The following CLSTN2 variants were observed in gnomAD, a reference collection of about 807,000 sequenced individuals.
CLSTN2 encodes the protein calsyntenin 2, also known as calsyntenin-2.
A neutral mutation model predicts 101.2 loss-of-function variants in CLSTN2; 48 were observed. That is an observed-to-expected ratio of 0.47 (90% CI 0.38 to 0.60). The LOEUF is 0.60. CLSTN2 is among the 20% of genes least tolerant of loss of function. The pLI is 0.00. For missense variants in CLSTN2, 1,160 were observed against 1,238.2 expected (o/e 0.94, Z 0.95); for synonymous variants, 481 against 463.6 (o/e 1.04, Z -0.48).
At chr3:140,277,998 TTC>T (rs1428994550) in intron 2 of CLSTN2, among the ~76,000 whole-genome samples, 1 of 152,166 alleles carries the variant, frequency 6.6e-6, no homozygotes, top group Non-Finnish European at 1.5e-5. Context: ...CCGAGAGATA[TTC>T]TCCTTAAAGA....
In CLSTN2 at chr3:140,222,648, A is replaced by G. The variant is rs559282585; in HGVS notation, c.232+46575A>G. Among the ~76,000 whole-genome samples, 5 of 152,250 alleles carry G rather than the reference A, an allele frequency of 3.3e-5. No homozygotes were observed. The South Asian group carries it at 1.0e-3, about 32-fold the overall frequency. ...AATGAAAAACTTTTTAAAAGAATGA[A>G]TAGAACCTAGTATTTGCTAACACAG... On this transcript the variant is annotated intron_variant, in intron 2 of 16. Transcript: ENST00000458420.
chr3:140,068,483 A>G (rs149396709), intron 1 of CLSTN2, among the ~76,000 whole-genome samples: 374 of 152,362 alleles, frequency 2.5e-3, no homozygotes, highest in Admixed American at 5.4e-3. Context: ...TGGACTTGAA[A>G]GAATCCCTGG....
intron 8 of CLSTN2, among the ~76,000 whole-genome samples, chr3:140,482,160 C>G (rs926613807): frequency 3.9e-5 from 6 of 151,990 alleles, no homozygotes; most frequent in Admixed American, 6.6e-5. Context: ...CAGCATGAAG[C>G]GTTGTTGAAT....
At chr3:140,289,907 A>G (rs564636720) in intron 2 of CLSTN2, among the ~76,000 whole-genome samples, 2 of 151,562 alleles carry the variant, frequency 1.3e-5, no homozygotes, top group Non-Finnish European at 2.9e-5. Context: ...ACAAATTTTC[A>G]TATTGAGTCA....
At chr3:140,553,702 C>T (rs1043153659) in intron 10 of CLSTN2, among the ~76,000 whole-genome samples, 1 of 152,156 alleles carries the variant, frequency 6.6e-6, no homozygotes, top group African/African-American at 2.4e-5. Context: ...AAAAGAGGCT[C>T]GAGCATCTTT....
chr3:140,213,170 C>G (rs2010878848), intron 2 of CLSTN2, among the ~76,000 whole-genome samples: 2 of 152,170 alleles, frequency 1.3e-5, no homozygotes, highest in Admixed American at 1.3e-4. Context: ...AGTTAAACTC[C>G]TCTCTGACTA....
At chr3:140,120,677 A>C (rs2350502) in intron 1 of CLSTN2, among the ~76,000 whole-genome samples, 108,473 of 152,064 alleles carry the variant, frequency 0.71, 38,802 homozygotes, top group East Asian at 0.81. Context: ...GAGATCTTAG[A>C]GATGTTAGGA....
Position 140,147,702 on chromosome 3 carries a change from G to A in CLSTN2, c.110-28249G>A, listed in dbSNP as rs75762543. Among the ~76,000 whole-genome samples the A allele has an allele frequency of 5.9e-3, 895 of 152,272 alleles. 7 individuals carry two copies. Among genetic ancestry groups the A allele is most frequent in the Non-Finnish European group, 9.0e-3 (614 of 68,016 alleles). ...CTTTCTCTGCACCAGACTAGATCCC[G>A]GGATTACAGAAATGATTTGCACAGT... is the stretch of plus-strand genomic sequence containing the variant. On this transcript the variant is annotated intron_variant, in intron 1 of 16. Coordinates refer to ENST00000458420, the MANE Select transcript of CLSTN2 (RefSeq NM_022131.3).
intron 8 of CLSTN2, among the ~76,000 whole-genome samples, chr3:140,526,574 T>A (rs1553751534): frequency 1.4e-5 from 2 of 142,942 alleles, no homozygotes; most frequent in African/African-American, 2.7e-5. Flanking sequence ...CTCATAAATT[T>A]ATATGAAACA....
chr3:140,097,656 C>T (rs910610895), intron 1 of CLSTN2, among the ~76,000 whole-genome samples: 6 of 152,130 alleles, frequency 3.9e-5, no homozygotes, highest in African/African-American at 1.4e-4. Flanking sequence ...TCAGAGAGCC[C>T]ACGTATTACC....
Position 140,459,509 on chromosome 3 carries a change from G to T in CLSTN2, c.974-12G>T. ...CATGACCTGTTATCCTTTCTTTCCT[G>T]ACCCTCTGCAGGAGCCTCCTCTGGC... On this transcript the variant is annotated splice_polypyrimidine_tract_variant and intron_variant, in intron 6 of 16. Coordinates refer to ENST00000458420, the MANE Select transcript of CLSTN2 (RefSeq NM_022131.3). The T allele has an allele frequency of 1.2e-6, 2 of 1,613,096 alleles. No individual in the cohort carries two copies. The highest frequency in any genetic ancestry group is 2.2e-5 in the South Asian group (2 of 90,982).
chr3:140,179,680 C>CTATACCTTATT (rs1397528761), intron 2 of CLSTN2, among the ~76,000 whole-genome samples: 5 of 119,880 alleles, frequency 4.2e-5, no homozygotes, highest in Non-Finnish European at 8.5e-5. Flanking sequence ...ATTTTGAATA[C>CTATACCTTATT]TATACCTTAT....
intron 2 of CLSTN2, among the ~76,000 whole-genome samples, chr3:140,182,532 C>T (rs764589947): frequency 1.1e-4 from 17 of 152,326 alleles, no homozygotes; most frequent in South Asian, 2.1e-4. Context: ...CCACATTAAT[C>T]TCACAGTAGA....
At chr3:140,375,371 G>A (rs2087905275) in intron 2 of CLSTN2, among the ~76,000 whole-genome samples, 1 of 152,202 alleles carries the variant, frequency 6.6e-6, no homozygotes, top group Non-Finnish European at 1.5e-5. Flanking sequence ...CTTGCTATGG[G>A]TTGGCAGCTG....
intron 2 of CLSTN2, among the ~76,000 whole-genome samples, chr3:140,313,940 C>T (rs1229337278): frequency 6.6e-6 from 1 of 152,078 alleles, no homozygotes; most frequent in African/African-American, 2.4e-5. Context: ...TTTGACCTGC[C>T]CCAGTACCAG....
intron 2 of CLSTN2, among the ~76,000 whole-genome samples, chr3:140,236,867 A>G (rs949486421): frequency 1.2e-4 from 14 of 114,426 alleles, no homozygotes; most frequent in East Asian, 1.1e-3. Context: ...GTGTGTGTAT[A>G]TAAATTTCAC....
chr3:139,949,884 G>T (rs1935265409), intron 1 of CLSTN2, among the ~76,000 whole-genome samples: 1 of 152,184 alleles, frequency 6.6e-6, no homozygotes, highest in Admixed American at 6.5e-5. Flanking sequence ...GATAAAGCAT[G>T]CTCCATTTTC....
chr3:140,292,387 G>GT lies in CLSTN2; in HGVS notation c.233-111234dup, dbSNP rs531621498. Among the ~76,000 whole-genome samples the GT allele has an allele frequency of 2.2e-3, 338 of 152,016 alleles. 2 individuals carry two copies. The highest frequency in any genetic ancestry group is 4.0e-3 in the Non-Finnish European group (271 of 67,962). ...CCAGTTAACTATGTTGTCAATATTT[G>GT]TTTTTTTTCTTCTTCCCTACTAAAA... On this transcript the variant is annotated intron_variant, in intron 2 of 16. Coordinates refer to ENST00000458420, the MANE Select transcript of CLSTN2 (RefSeq NM_022131.3).
chr3:140,406,784 G>GT, intron 4 of CLSTN2, among the ~76,000 whole-genome samples: 1 of 152,228 alleles, frequency 6.6e-6, no homozygotes, highest in Non-Finnish European at 1.5e-5. Flanking sequence ...GACTAGACAA[G>GT]TGGAGGTATC....
Sources: allele counts gnomAD v4.1 joint callset (sites outside exome capture counted in the v4.1 genomes callset), GRCh38; gene constraint gnomAD v4.1.1; transcripts MANE v1.5; gene names NCBI Gene and HGNC (gene_info 2026-07-23, HGNC 2026-07-21).